Variants in WWP2 observed in about 807,000 individuals in gnomAD.
WWP2 encodes the protein NEDD4-like E3 ubiquitin-protein ligase WWP2.
Under a neutral mutation model 121.0 loss-of-function variants are expected in WWP2, and 57 were observed. The ratio of observed to expected loss-of-function variants is 0.47; its 90% CI spans 0.38 to 0.59. WWP2 has a LOEUF of 0.59. Among genes scored for constraint, WWP2 ranks in the 20% least tolerant of loss-of-function variants. The pLI, the probability that WWP2 is intolerant of heterozygous loss-of-function variation, is 0.00. For missense variants in WWP2, 962 were observed against 1,158.9 expected (o/e 0.83, Z 2.47); for synonymous variants, 449 against 441.3 (o/e 1.02, Z -0.22).
intron 9 of WWP2, among the ~76,000 whole-genome samples, chr16:69,912,461 C>A (rs1220228808): frequency 6.6e-6 from 1 of 151,440 alleles, no homozygotes; most frequent in Admixed American, 6.6e-5. Context: ...AGTAGGAGGA[C>A]CAGGTCGGGG....
chr16:69,826,841 A>T (rs922759157), intron 4 of WWP2, among the ~76,000 whole-genome samples: 2 of 150,806 alleles, frequency 1.3e-5, no homozygotes, highest in Non-Finnish European at 1.5e-5. Context: ...CAGGAGGCTG[A>T]GGCAGGAGAA....
chr16:69,803,579 C>CT (rs2056216504), intron 4 of WWP2, among the ~76,000 whole-genome samples: 1 of 151,996 alleles, frequency 6.6e-6, no homozygotes, highest in Non-Finnish European at 1.5e-5. Flanking sequence ...TTCCACCCTG[C>CT]TTTTTTGTGT....
At chr16:69,933,130 G>A (rs769244866) in intron 16 of WWP2, 3 of 510,558 alleles carry the variant, frequency 5.9e-6, no homozygotes, top group Non-Finnish European at 8.1e-6. Context: ...GGTAGGTTAC[G>A]TCATGCTGTT....
chr16:69,870,453 G>A (rs148773177), intron 6 of WWP2, among the ~76,000 whole-genome samples: 3 of 152,028 alleles, frequency 2.0e-5, no homozygotes, highest in South Asian at 2.1e-4. Context: ...GGCATGCACC[G>A]GTAGTGCAGC....
At chr16:69,876,175 C>G (rs769772696) in intron 7 of WWP2, among the ~76,000 whole-genome samples, 4 of 152,100 alleles carry the variant, frequency 2.6e-5, no homozygotes, top group Admixed American at 1.3e-4. Flanking sequence ...CCAGTCTGGT[C>G]TTGAACTCCT....
intron 4 of WWP2, among the ~76,000 whole-genome samples, chr16:69,805,779 C>CT (rs77530869): frequency 1.8e-3 from 229 of 130,600 alleles, no homozygotes; most frequent in African/African-American, 3.2e-3. Context: ...AATTTTTTTT[C>CT]TTTTTTTTTT....
chr16:69,827,897 C>T (rs1362485633), intron 4 of WWP2: 1 of 455,850 alleles, frequency 2.2e-6, no homozygotes, highest in Non-Finnish European at 4.4e-6. Flanking sequence ...TCCCCAGGTA[C>T]CTTTTAAAAA....
rs752395142 is a variant in WWP2, at chr16:69,936,390, C to T, written c.2055C>T (p.His685=). 16 of 1,613,930 alleles carry T rather than the reference C, an allele frequency of 9.9e-6. No homozygotes were observed. Among genetic ancestry groups the T allele is most frequent in the African/African-American group, 2.7e-5 (2 of 74,904 alleles). ...DMEILGKVTT[H]ELKEGGESIR... ...AGATACTGGGCAAGGTGACGACCCA[C>T]GAGCTGAAGGAGGGCGGCGAGAGCA... Residue 685 remains histidine (H), a synonymous_variant, in exon 19 of 24, where the codon CAC becomes CAT. Transcript: ENST00000359154.
chr16:69,783,924 C>T (rs953824811), intron 1 of WWP2, among the ~76,000 whole-genome samples: 5 of 151,898 alleles, frequency 3.3e-5, no homozygotes, highest in Admixed American at 6.6e-5. Flanking sequence ...ACTGCACTCC[C>T]GGCATGGGCG....
chr16:69,936,933 T>C (rs1292772397), intron 19 of WWP2, 185 bp from the exon 20 acceptor site: 3 of 697,448 alleles, frequency 4.3e-6, no homozygotes, highest in Middle Eastern at 4.2e-4. Context: ...AAGACTCCGG[T>C]GTCTGCAGGT....
At chr16:69,821,419 C>T (rs2056591006) in intron 4 of WWP2, among the ~76,000 whole-genome samples, 1 of 152,176 alleles carries the variant, frequency 6.6e-6, no homozygotes, top group Non-Finnish European at 1.5e-5. Context: ...CCCTGTGTCA[C>T]TGAGTGCTGG....
intron 8 of WWP2, 130 bp from the exon 9 acceptor site, chr16:69,908,631 G>A: frequency 1.3e-6 from 2 of 1,510,592 alleles, no homozygotes; most frequent in Non-Finnish European, 1.8e-6. Flanking sequence ...TTCGCCATTG[G>A]GTCGGCCTCG....
At chr16:69,853,939 G>C (rs1243511995) in intron 6 of WWP2, among the ~76,000 whole-genome samples, 3 of 152,150 alleles carry the variant, frequency 2.0e-5, no homozygotes, top group Non-Finnish European at 2.9e-5. Context: ...TGGAACATTG[G>C]TACTGCCTGG....
intron 16 of WWP2, among the ~76,000 whole-genome samples, chr16:69,932,423 G>C (rs1465998792): frequency 6.6e-6 from 1 of 152,266 alleles, no homozygotes; most frequent in East Asian, 1.9e-4. Flanking sequence ...CACTGGGCTG[G>C]ACATTAAGCC....
At chr16:69,936,810 T>A (rs549099998) in intron 19 of WWP2, 1 of 472,722 alleles carries the variant, frequency 2.1e-6, no homozygotes, top group Non-Finnish European at 3.8e-6. Context: ...CCGTTCTCCG[T>A]GCCTGTTCCT....
chr16:69,830,249 C>T (rs1303805145), intron 4 of WWP2, among the ~76,000 whole-genome samples: 2 of 152,116 alleles, frequency 1.3e-5, no homozygotes, highest in Non-Finnish European at 2.9e-5. Context: ...ACCACCATGC[C>T]CGGCCTAGTT....
At chr16:69,770,967 T>A (rs1265537654) in intron 1 of WWP2, among the ~76,000 whole-genome samples, 1 of 147,796 alleles carries the variant, frequency 6.8e-6, no homozygotes, top group African/African-American at 2.5e-5. Context: ...ATCCTGTCTC[T>A]ATTAAAAAAA....
At chr16:69,913,480 T>C (rs1432310141) in intron 9 of WWP2, among the ~76,000 whole-genome samples, 1 of 151,580 alleles carries the variant, frequency 6.6e-6, no homozygotes, top group Non-Finnish European at 1.5e-5. Context: ...CCAGCCTGGG[T>C]GACAGAGCAA....
intron 4 of WWP2, among the ~76,000 whole-genome samples, chr16:69,810,919 T>G (rs2056380398): frequency 6.6e-6 from 1 of 152,022 alleles, no homozygotes; most frequent in African/African-American, 2.4e-5. Flanking sequence ...CACGCCCAGC[T>G]AATTTTTCTA....
Sources: allele counts gnomAD v4.1 joint callset (sites outside exome capture counted in the v4.1 genomes callset), GRCh38; gene constraint gnomAD v4.1.1; transcripts MANE v1.5; gene names NCBI Gene and HGNC (gene_info 2026-07-23, HGNC 2026-07-21).